The following FLT1 variants were observed in gnomAD, a reference collection of about 807,000 sequenced individuals.
The protein encoded by FLT1 is vascular endothelial growth factor receptor 1.
FLT1 carries 49 observed loss-of-function variants against 156.3 expected under a neutral mutation model. The observed-to-expected ratio is 0.31, with a 90% CI of 0.25 to 0.40. The LOEUF is 0.40. Among genes scored for constraint, FLT1 ranks in the 10% least tolerant of loss-of-function variants. The pLI, the probability that FLT1 is intolerant of heterozygous loss-of-function variation, is 1.00. For synonymous variants in FLT1, 594 were observed against 583.8 expected (o/e 1.02, Z -0.25); for missense variants, 1,322 against 1,637.2 (o/e 0.81, Z 3.32).
chr13:28,317,743 CCGTA>C, intron 24 of FLT1, 146 bp from the exon 25 acceptor site: 1 of 686,668 alleles, frequency 1.5e-6, no homozygotes, highest in East Asian at 2.7e-5. Flanking sequence ...TCTCAACATA[CCGTA>C]CAACACACAG....
intron 14 of FLT1, among the ~76,000 whole-genome samples, chr13:28,369,698 G>A (rs544212309): frequency 2.6e-5 from 4 of 152,250 alleles, no homozygotes; most frequent in South Asian, 4.1e-4. Context: ...AAAAGTTGAC[G>A]TATGGGATAA....
intron 27 of FLT1, among the ~76,000 whole-genome samples, chr13:28,309,661 A>AC (rs960996646): frequency 2.3e-4 from 23 of 100,672 alleles, no homozygotes; most frequent in East Asian, 1.1e-3. Context: ...CATGCCACCC[A>AC]CCCCCCCTCC....
Position 28,345,440 on chromosome 13 carries a change from CT to C in FLT1, c.2355+4del. The C allele has an allele frequency of 6.4e-7, 1 of 1,561,458 alleles. No homozygotes were observed. Among genetic ancestry groups the C allele is most frequent in the Non-Finnish European group, 8.8e-7 (1 of 1,133,772 alleles). On this transcript the variant is annotated splice_donor_region_variant and intron_variant, in intron 16 of 29. Transcript: ENST00000282397. ...AGGAGCATAGAACATCACCTATGTT[CT>C]TACCCTTTTCATTTTTCGGATAAAG...
At chr13:28,362,394 C>T (rs1030963420) in intron 14 of FLT1, among the ~76,000 whole-genome samples, 1 of 152,168 alleles carries the variant, frequency 6.6e-6, no homozygotes, top group Non-Finnish European at 1.5e-5. Flanking sequence ...AAAAGTGTGG[C>T]TGTACAGTTG....
At chr13:28,344,299 C>T (rs2138857745) in intron 16 of FLT1, among the ~76,000 whole-genome samples, 1 of 152,294 alleles carries the variant, frequency 6.6e-6, no homozygotes, top group South Asian at 2.1e-4. Flanking sequence ...CAGTCTCTCA[C>T]TGTGTTCCCC....
Position 28,427,743 on chromosome 13 carries a change from C to A in FLT1, c.1276+9G>T. ...CAGAACCAGAAGAAAGTATGAACAG[C>A]AAACTTACCATTGACAATTAGAGTG... On this transcript the variant is annotated intron_variant, in intron 9 of 29. Transcript: ENST00000282397. 4 of 1,612,806 alleles carry A rather than the reference C, an allele frequency of 2.5e-6. No homozygotes were observed. Among genetic ancestry groups the A allele is most frequent in the Non-Finnish European group, 3.4e-6 (4 of 1,178,870 alleles).
chr13:28,447,156 TTATATAATATAA>T (rs1453099125), intron 3 of FLT1, among the ~76,000 whole-genome samples: 7 of 124,698 alleles, frequency 5.6e-5, no homozygotes, highest in African/African-American at 1.3e-4. Context: ...TATTTTATAG[TTATATAATATAA>T]TATATAATAT....
chr13:28,417,631 T>A (rs950016533), intron 10 of FLT1, among the ~76,000 whole-genome samples: 21 of 151,526 alleles, frequency 1.4e-4, no homozygotes, highest in Admixed American at 5.3e-4. Context: ...TATAAAACAA[T>A]CTCTTTTTAA....
At position 28,317,895 on chromosome 13, in the gene FLT1, C is replaced by T. The variant is rs145900376; in HGVS notation, c.3287-298G>A. Among the ~76,000 whole-genome samples, 552 of 152,278 alleles carry T rather than the reference C, an allele frequency of 3.6e-3. 5 individuals are homozygous for T. Among genetic ancestry groups the T allele is most frequent in the African/African-American group, 0.012 (517 of 41,552 alleles). On this transcript the variant is annotated intron_variant, in intron 24 of 29. Coordinates refer to ENST00000282397, the MANE Select transcript of FLT1 (RefSeq NM_002019.4). ...AGGAAGGGGTGTCGTCTGAAGGGTC[C>T]TTGCCTTCTCCCCACAAGTAACTAA...
At chr13:28,331,335 C>A (rs1440128601) in intron 18 of FLT1, among the ~76,000 whole-genome samples, 2 of 152,228 alleles carry the variant, frequency 1.3e-5, no homozygotes, top group Non-Finnish European at 1.5e-5. Context: ...AACACAATTA[C>A]TCTTCTCATT....
intron 1 of FLT1, among the ~76,000 whole-genome samples, chr13:28,485,018 A>T (rs911298331): frequency 6.6e-6 from 1 of 152,110 alleles, no homozygotes. Flanking sequence ...CCAACATGGC[A>T]CATGTATACG....
rs540597643 is a variant in FLT1 at position 28,353,096 on chromosome 13, A to G, written c.2248+4458T>C. ...TGCAATCGTTTGCAAATCAGCCTCT[A>G]ATGCCATGACCAGCATTTAGGCTGC... On this transcript the variant is annotated intron_variant, in intron 15 of 29. Transcript: ENST00000282397. 2.6e-5 allele frequency among the ~76,000 whole-genome samples: 4 copies of G among 152,316 alleles called. No individual in the cohort carries two copies. The South Asian group carries it at 8.3e-4, about 32-fold the overall frequency.
In FLT1 at chr13:28,481,175, A is replaced by G. The variant is rs1369249294; in HGVS notation, c.65-13558T>C. Among the ~76,000 whole-genome samples, 11 of 152,350 alleles carry G rather than the reference A, an allele frequency of 7.2e-5. No individual in the cohort carries two copies. In the East Asian group the frequency reaches 2.1e-3, roughly 29 times the overall value. On this transcript the variant is annotated intron_variant, in intron 1 of 29. Coordinates refer to ENST00000282397, the MANE Select transcript of FLT1 (RefSeq NM_002019.4). ...ATCTTCTGTGCTGTTTGGGAACCTA[A>G]GCCAGTTAACAGTCTCCCAGCAGGA...
chr13:28,471,107 G>C (rs1880153092), intron 1 of FLT1, among the ~76,000 whole-genome samples: 1 of 151,108 alleles, frequency 6.6e-6, no homozygotes, highest in Non-Finnish European at 1.5e-5. Flanking sequence ...AAAAGACACT[G>C]ACAAAAATGG....
Position 28,322,244 on chromosome 13 carries a change from G to A in FLT1, c.3051+18C>T, listed in dbSNP as rs749124354. 32 of 1,497,456 alleles carry A rather than the reference G, an allele frequency of 2.1e-5. No homozygotes were observed. In the South Asian group the frequency reaches 3.5e-4, roughly 16 times the overall value. 92.8% of individuals were successfully genotyped at this position (1,497,456 alleles called of 1,614,324 possible). A position where few individuals can be genotyped will look rare whatever the true frequency, so the allele number is the denominator to read the frequency against. On this transcript the variant is annotated intron_variant, in intron 22 of 29. Coordinates refer to ENST00000282397, the MANE Select transcript of FLT1 (RefSeq NM_002019.4). This position sits in a 1 kb window ranked among gnomAD's most constrained non-coding sequence, Gnocchi z 4.3. ...CCAGCCCTGGCAGAGAAGAAAAACA[G>A]TAAACAGCAAGACTGACCTTTCTGG... is the stretch of plus-strand genomic sequence containing the variant.
At chr13:28,346,019 A>C (rs1441402805) in intron 15 of FLT1, among the ~76,000 whole-genome samples, 1 of 152,102 alleles carries the variant, frequency 6.6e-6, no homozygotes, top group East Asian at 1.9e-4. Flanking sequence ...GGACTCACAA[A>C]ATTCTTCAAA....
chr13:28,303,030 A>T lies in FLT1; in HGVS notation c.*137T>A, dbSNP rs1191316735. 2 of 736,116 alleles carry T rather than the reference A, an allele frequency of 2.7e-6. No homozygotes were observed. The highest frequency in any genetic ancestry group is 4.4e-6 in the Non-Finnish European group (2 of 456,838). 45.6% of individuals were successfully genotyped at this position (736,116 alleles called of 1,614,324 possible). A position where few individuals can be genotyped will look rare whatever the true frequency, so the allele number is the denominator to read the frequency against. On this transcript the variant is annotated 3_prime_UTR_variant, in exon 30 of 30. Coordinates refer to ENST00000282397, the MANE Select transcript of FLT1 (RefSeq NM_002019.4). ...TAGTCAAAAAAAAAAAAGCACTATT[A>T]AAAAAATCACAAAAAGCAGCTGGCT...
chr13:28,472,842 G>A (rs605929), intron 1 of FLT1, among the ~76,000 whole-genome samples: 22,799 of 152,054 alleles, frequency 0.15, 2,507 homozygotes, highest in African/African-American at 0.29. Flanking sequence ...TGATCCTGGG[G>A]TCACAGTAAT....
chr13:28,371,846 T>G (rs1295622197), intron 14 of FLT1, among the ~76,000 whole-genome samples: 1 of 151,844 alleles, frequency 6.6e-6, no homozygotes, highest in Non-Finnish European at 1.5e-5. Context: ...CTTGGGGTCT[T>G]GGAACAGGTC....
Sources: allele counts gnomAD v4.1 joint callset (sites outside exome capture counted in the v4.1 genomes callset), GRCh38; gene constraint gnomAD v4.1.1; non-coding constraint Gnocchi (gnomAD v3.1); transcripts MANE v1.5; gene names NCBI Gene and HGNC (gene_info 2026-07-23, HGNC 2026-07-21).